Variants in PUDP observed in about 807,000 individuals in gnomAD.
PUDP encodes the protein pseudouridine 5'-phosphatase.
Under a neutral mutation model 9.4 loss-of-function variants are expected in PUDP, and 8 were observed. The ratio of observed to expected loss-of-function variants is 0.85; its 90% CI spans 0.50 to 1.53. The LOEUF is 1.53. Ranked by LOEUF, PUDP falls within the 40% of genes most tolerant of loss-of-function variation. The pLI, the probability that PUDP is intolerant of heterozygous loss-of-function variation, is 0.00. For synonymous variants in PUDP, 99 were observed against 80.7 expected (o/e 1.23, Z -1.22); for missense variants, 188 against 189.7 (o/e 0.99, Z 0.05).
intron 3 of PUDP, among the ~76,000 whole-genome samples, chrX:6,965,972 G>T (rs960733202): frequency 9.0e-6 from 1 of 110,789 alleles, no homozygotes; most frequent in Non-Finnish European, 1.9e-5. Flanking sequence ...TCCACCGTTC[G>T]GGAAGGAAAT....
At chrX:6,804,696 T>C (rs1193314790) in intron 3 of PUDP, among the ~76,000 whole-genome samples, 1 of 111,359 alleles carries the variant, frequency 9.0e-6, no homozygotes, top group African/African-American at 3.3e-5. Flanking sequence ...TAAAGGATGC[T>C]TGGCCTCTGC....
intron 3 of PUDP, among the ~76,000 whole-genome samples, chrX:6,918,888 A>G (rs1171393729): frequency 2.7e-5 from 3 of 112,529 alleles, no homozygotes; most frequent in Non-Finnish European, 5.6e-5. Context: ...TCAATCCTAC[A>G]ATGTAAATCT....
chrX:6,979,825 G>A (rs1374416648), intron 1 of PUDP, among the ~76,000 whole-genome samples: 1 of 111,365 alleles, frequency 9.0e-6, no homozygotes, highest in African/African-American at 3.3e-5. Context: ...AATTGTCAAA[G>A]CAATTCTTTA....
intron 3 of PUDP, among the ~76,000 whole-genome samples, chrX:6,879,402 G>A (rs1243569676): frequency 9.2e-6 from 1 of 109,017 alleles, no homozygotes; most frequent in Non-Finnish European, 1.9e-5. Context: ...TCAGCATGTG[G>A]TCTGGAAGTG....
At chrX:7,124,775 T>C (rs1417092546) in intron 1 of PUDP, among the ~76,000 whole-genome samples, 2 of 110,268 alleles carry the variant, frequency 1.8e-5, no homozygotes, top group Non-Finnish European at 1.9e-5. Context: ...TGAAACCCTG[T>C]CTCTACTAAA....
At chrX:6,824,907 A>G (rs2146709772) in intron 3 of PUDP, among the ~76,000 whole-genome samples, 1 of 112,132 alleles carries the variant, frequency 8.9e-6, no homozygotes, top group South Asian at 3.7e-4. Flanking sequence ...CTATAACTTC[A>G]AAGAGCACCC....
intron 3 of PUDP, 106 bp downstream of exon 3, chrX:7,077,114 T>C: frequency 9.0e-7 from 1 of 1,116,732 alleles, no homozygotes; most frequent in Non-Finnish European, 1.2e-6. Flanking sequence ...CAAAGTGGCC[T>C]TCAACAGCAC....
At chrX:6,941,355 T>C (rs1481637425) in intron 3 of PUDP, among the ~76,000 whole-genome samples, 1 of 99,802 alleles carries the variant, frequency 1.0e-5, no homozygotes, top group East Asian at 3.1e-4. Context: ...TTTTTTTTTT[T>C]TTTTTGACAA....
intron 1 of PUDP, among the ~76,000 whole-genome samples, chrX:7,109,174 G>A (rs186842042): frequency 1.2e-3 from 130 of 112,018 alleles, no homozygotes; most frequent in Non-Finnish European, 2.2e-3. Flanking sequence ...CTAAGGGAGG[G>A]TTACCCAGGC....
chrX:6,968,374 T>C (rs146189816), intron 3 of PUDP, among the ~76,000 whole-genome samples: 1,783 of 111,948 alleles, frequency 0.016, 40 homozygotes, highest in African/African-American at 0.055. Context: ...GTCCGTGCCT[T>C]TCCCAGTTTC....
At chrX:7,003,828 G>A (rs1929362964) in intron 1 of PUDP, among the ~76,000 whole-genome samples, 1 of 111,463 alleles carries the variant, frequency 9.0e-6, no homozygotes, top group Non-Finnish European at 1.9e-5. Context: ...ACCTCCAGAT[G>A]GGCAAATTAC....
At chrX:6,712,644 G>A (rs961933219) in intron 1 of PUDP, among the ~76,000 whole-genome samples, 2 of 111,816 alleles carry the variant, frequency 1.8e-5, no homozygotes, top group African/African-American at 6.5e-5. Flanking sequence ...GGATTCTGGG[G>A]AGCCATATAC....
intron 1 of PUDP, among the ~76,000 whole-genome samples, chrX:7,035,786 A>G (rs894645800): frequency 1.3e-4 from 15 of 111,797 alleles, no homozygotes; most frequent in Non-Finnish European, 2.3e-4. Flanking sequence ...AGGACTGTTA[A>G]GGTTTGGATA....
chrX:6,725,778 G>A (rs1924731646), upstream of PUDP, among the ~76,000 whole-genome samples: 1 of 111,978 alleles, frequency 8.9e-6, no homozygotes, highest in African/African-American at 3.2e-5. Flanking sequence ...ATGTTGGTGA[G>A]GATGCAGAGA....
intron 1 of PUDP, among the ~76,000 whole-genome samples, chrX:6,990,903 C>A (rs183619159): frequency 8.9e-6 from 1 of 112,362 alleles, no homozygotes; most frequent in South Asian, 3.7e-4. Flanking sequence ...TTATTTGTTA[C>A]AGAGTCCTGG....
intron 2 of PUDP, among the ~76,000 whole-genome samples, chrX:7,102,626 G>C (rs1323050895): frequency 9.1e-6 from 1 of 109,807 alleles, no homozygotes; most frequent in African/African-American, 3.3e-5. Context: ...AAACTGGAAA[G>C]GAAGAAACAA....
At chrX:6,791,475 G>A (rs921893749) in intron 3 of PUDP, among the ~76,000 whole-genome samples, 1 of 111,611 alleles carries the variant, frequency 9.0e-6, no homozygotes, top group Admixed American at 9.6e-5. Flanking sequence ...GAAAGAAATG[G>A]AAATTGCTAG....
chrX:6,791,862 A>G (rs34492047), intron 3 of PUDP, among the ~76,000 whole-genome samples: 54 of 112,473 alleles, frequency 4.8e-4, no homozygotes, highest in Non-Finnish European at 7.7e-4. Context: ...AGTAGAATTC[A>G]GGAGACAGGC....
intron 3 of PUDP, among the ~76,000 whole-genome samples, chrX:6,888,598 C>T (rs771966083): frequency 1.8e-5 from 2 of 110,822 alleles, no homozygotes; most frequent in Non-Finnish European, 3.8e-5. Context: ...TGCAGTGAGC[C>T]GAGATTTCAC....
Sources: gnomAD v4.1 joint callset for allele counts (sites outside exome capture counted in the v4.1 genomes callset) on GRCh38, gnomAD v4.1.1 for gene constraint, MANE v1.5 for transcripts, NCBI Gene and HGNC (gene_info 2026-07-23, HGNC 2026-07-21) for gene names.